Variants in REPS1 observed in about 807,000 individuals in gnomAD.
The protein encoded by REPS1 is ralBP1-associated Eps domain-containing protein 1.
REPS1 carries 39 observed loss-of-function variants against 100.9 expected under a neutral mutation model. That is an observed-to-expected ratio of 0.39 (90% CI 0.30 to 0.50). The LOEUF (loss-of-function observed/expected upper bound fraction) is 0.50. REPS1 is among the 20% of genes least tolerant of loss of function. The pLI is 0.86. For missense variants in REPS1, 821 were observed against 968.5 expected (o/e 0.85, Z 2.02); for synonymous variants, 324 against 340.3 (o/e 0.95, Z 0.53).
At chr6:138,957,388 T>G (rs1013270107) in intron 1 of REPS1, among the ~76,000 whole-genome samples, 1 of 152,044 alleles carries the variant, frequency 6.6e-6, no homozygotes, top group Non-Finnish European at 1.5e-5. Flanking sequence ...TAAAGCAATA[T>G]CCAGAGAGTT....
intron 1 of REPS1, among the ~76,000 whole-genome samples, chr6:138,948,282 G>A (rs977087232): frequency 3.9e-5 from 6 of 151,982 alleles, no homozygotes; most frequent in Admixed American, 1.3e-4. Context: ...TTAAAGTGAC[G>A]GTCTTTAAAT....
Position 138,945,642 on chromosome 6 carries a change from G to A in REPS1, c.333C>T (p.Arg111=). The change falls in exon 3 of 20, where the codon CGC becomes CGT. Residue 111 remains arginine (R), a synonymous_variant. Transcript: ENST00000450536. ...FVASKNEQES[R]HAASYSSDSE... is the part of the protein sequence containing the mutation. ...AATCTGAAGAATATGAGGCTGCATG[G>A]CGAGATTCCTGTTCATTCTTTGAAG... is the stretch of plus-strand genomic sequence containing the variant. 6.2e-7 allele frequency: 1 copy of A among 1,612,930 alleles called. No individual in the cohort carries two copies. The highest frequency in any genetic ancestry group is 8.5e-7 in the Non-Finnish European group (1 of 1,179,552).
At chr6:138,947,958 C>G in intron 1 of REPS1, 45 bp from the exon 2 acceptor site, 1 of 1,519,474 alleles carries the variant, frequency 6.6e-7, no homozygotes, top group Non-Finnish European at 8.8e-7. Context: ...CAACAAAAAT[C>G]TCCCTTCAAA....
intron 1 of REPS1, among the ~76,000 whole-genome samples, chr6:138,974,324 T>C (rs1270493229): frequency 6.6e-6 from 1 of 152,112 alleles, no homozygotes; most frequent in African/African-American, 2.4e-5. Flanking sequence ...AATAATGAAA[T>C]GGCACGCTTA....
In REPS1 at chr6:138,929,735, G is replaced by A. The variant is rs113888391; in HGVS notation, c.1257+242C>T. 1,792 of 318,554 alleles carry A rather than the reference G, an allele frequency of 5.6e-3. 25 individuals carry two copies. Among genetic ancestry groups the A allele is most frequent in the African/African-American group, 0.035 (1,665 of 47,008 alleles). The allele number at this position is 318,554 out of a possible 1,614,324, so 19.7% of individuals were successfully genotyped here. On this transcript the variant is annotated intron_variant, in intron 9 of 19. Coordinates refer to ENST00000450536, the MANE Select transcript of REPS1 (RefSeq NM_001286611.2). Reference sequence around the variant, plus strand: ...TTACCTTTTGATGGTTAAACTTTCTGAATCTGCCTCTCTAAACTCACAAGG... The same window carrying A: ...TTACCTTTTGATGGTTAAACTTTCTAAATCTGCCTCTCTAAACTCACAAGG...
chr6:138,950,466 G>A (rs1350973488), intron 1 of REPS1, among the ~76,000 whole-genome samples: 2 of 151,942 alleles, frequency 1.3e-5, no homozygotes, highest in African/African-American at 4.8e-5. Flanking sequence ...GGGCAACAGA[G>A]CAAGACTCTG....
chr6:138,944,090 A>G, intron 5 of REPS1, 75 bp from the exon 6 acceptor site: 1 of 1,393,236 alleles, frequency 7.2e-7, no homozygotes, highest in East Asian at 2.3e-5. Flanking sequence ...TAGGTTATTT[A>G]TCTTTGAAAG....
intron 1 of REPS1, among the ~76,000 whole-genome samples, chr6:138,959,788 A>G (rs1412772972): frequency 6.6e-6 from 1 of 152,228 alleles, no homozygotes; most frequent in Non-Finnish European, 1.5e-5. Context: ...TAAAGGAGGG[A>G]ACAATTATAG....
intron 17 of REPS1, chr6:138,910,819 A>C (rs999497137): frequency 1.3e-5 from 2 of 155,048 alleles, no homozygotes; most frequent in Non-Finnish European, 2.9e-5. Context: ...AAAGTAGTGA[A>C]TTTACTGATG....
chr6:138,916,044 T>C, intron 13 of REPS1, 68 bp from the exon 14 acceptor site: 1 of 1,096,814 alleles, frequency 9.1e-7, no homozygotes, highest in South Asian at 1.2e-5. Flanking sequence ...TTTAAACATT[T>C]ACACTTGGCT....
Position 138,944,162 on chromosome 6 carries a change from T to C in REPS1, c.754-147A>G, listed in dbSNP as rs948252279. The C allele has an allele frequency of 6.8e-6, 5 of 737,212 alleles. No homozygotes were observed. The East Asian group carries it at 8.1e-5, about 12-fold the overall frequency. 45.7% of individuals were successfully genotyped at this position (737,212 alleles called of 1,614,324 possible). A position where few individuals can be genotyped will look rare whatever the true frequency, so the allele number is the denominator to read the frequency against. On this transcript the variant is annotated intron_variant, in intron 5 of 19. Coordinates refer to ENST00000450536, the MANE Select transcript of REPS1 (RefSeq NM_001286611.2). The stretch of plus-strand genomic sequence containing the variant: ...CCACACATCTGTTACAGTCAGATTA[T>C]TGGATATGTTTTTGCACAATGATTA...
At chr6:138,979,210 A>C (rs1423064725) in intron 1 of REPS1, among the ~76,000 whole-genome samples, 4 of 149,314 alleles carry the variant, frequency 2.7e-5, no homozygotes, top group East Asian at 3.9e-4. Flanking sequence ...AAAAAAAAAA[A>C]CTGAAGAAGT....
At chr6:138,919,636 T>C (rs1562518995) in intron 12 of REPS1, among the ~76,000 whole-genome samples, 1 of 152,226 alleles carries the variant, frequency 6.6e-6, no homozygotes, top group Non-Finnish European at 1.5e-5. Context: ...GCCTTAATTT[T>C]CCTTCTGGAT....
At chr6:138,980,430 A>G (rs1784875778) in intron 1 of REPS1, among the ~76,000 whole-genome samples, 1 of 152,188 alleles carries the variant, frequency 6.6e-6, no homozygotes, top group Non-Finnish European at 1.5e-5. Flanking sequence ...TGCCTTATGC[A>G]GTCCCTGCCA....
chr6:138,963,835 A>G (rs1218284993), intron 1 of REPS1, among the ~76,000 whole-genome samples: 1 of 152,204 alleles, frequency 6.6e-6, no homozygotes, highest in Non-Finnish European at 1.5e-5. Flanking sequence ...AAACAACTTC[A>G]TTTCAATACT....
intron 10 of REPS1, among the ~76,000 whole-genome samples, chr6:138,924,996 T>G (rs1781006525): frequency 6.6e-6 from 1 of 152,194 alleles, no homozygotes; most frequent in South Asian, 2.1e-4. Flanking sequence ...ATTATCTGTT[T>G]GAATTCAATA....
intron 16 of REPS1, 76 bp downstream of exon 16, chr6:138,912,689 A>T: frequency 7.2e-7 from 1 of 1,384,806 alleles, no homozygotes. Context: ...GTCCCCTCTA[A>T]TATCTGCTCT....
chr6:138,911,625 G>C (rs112132378), intron 16 of REPS1, among the ~76,000 whole-genome samples: 3 of 151,746 alleles, frequency 2.0e-5, no homozygotes, highest in African/African-American at 7.3e-5. Flanking sequence ...GTGTGAGGGA[G>C]AGGAGGACAG....
chr6:138,910,271 G>A (rs1294423039), intron 17 of REPS1, among the ~76,000 whole-genome samples: 1 of 152,210 alleles, frequency 6.6e-6, no homozygotes, highest in Non-Finnish European at 1.5e-5. Flanking sequence ...CTTCTGCCAT[G>A]ATTCTAAGTT....
Sources: allele counts gnomAD v4.1 joint callset (sites outside exome capture counted in the v4.1 genomes callset), GRCh38; gene constraint gnomAD v4.1.1; transcripts MANE v1.5; gene names NCBI Gene and HGNC (gene_info 2026-07-23, HGNC 2026-07-21).